The following GAB2 variants were observed in gnomAD, a reference collection of about 807,000 sequenced individuals.
GAB2 encodes GRB2 associated binding protein 2, also known as GRB2-associated-binding protein 2.
Under a neutral mutation model 65.5 loss-of-function variants are expected in GAB2, and 26 were observed. The observed-to-expected ratio is 0.40, with a 90% confidence interval of 0.29 to 0.55. The LOEUF (loss-of-function observed/expected upper bound fraction) is 0.55, where lower values mean the gene tolerates loss of function less well. Among genes scored for constraint, GAB2 ranks in the 20% least tolerant of loss-of-function variants. The probability of loss-of-function intolerance (pLI) is 0.53; values close to 1 mark genes in which losing one functional copy is unlikely to be tolerated. For missense variants in GAB2, 884 were observed against 875.8 expected, an observed-to-expected ratio of 1.01 and a Z score of -0.12; for synonymous variants, 321 against 329.6, an observed-to-expected ratio of 0.97 and a Z score of 0.28.
intron 2 of GAB2, among the ~76,000 whole-genome samples, chr11:78,254,542 G>T (rs1026580377): frequency 2.6e-5 from 4 of 152,206 alleles, no homozygotes; most frequent in African/African-American, 9.7e-5. Context: ...GCTCATGCTT[G>T]TAATCCCAAC....
At chr11:78,351,009 A>C (rs1275571638) in intron 1 of GAB2, among the ~76,000 whole-genome samples, 1 of 152,244 alleles carries the variant, frequency 6.6e-6, no homozygotes, top group African/African-American at 2.4e-5. Context: ...GTCGTGGAAG[A>C]AGCTTTTTAG....
intron 1 of GAB2, among the ~76,000 whole-genome samples, chr11:78,292,253 G>A (rs1298914075): frequency 6.6e-6 from 1 of 152,130 alleles, no homozygotes; most frequent in African/African-American, 2.4e-5. Flanking sequence ...CAGAAAGCGG[G>A]AAGTTAAAAG....
chr11:78,395,782 A>C (rs947187255), intron 1 of GAB2, among the ~76,000 whole-genome samples: 2 of 152,234 alleles, frequency 1.3e-5, no homozygotes, highest in Non-Finnish European at 2.9e-5. Context: ...AGGAGATTAA[A>C]GCTCAGAAAG....
At chr11:78,388,262 C>T (rs1591081423) in intron 1 of GAB2, 1 of 152,248 alleles carries the variant, frequency 6.6e-6, no homozygotes. Context: ...GTCCAGACTT[C>T]AAGAGATCCA....
intron 1 of GAB2, among the ~76,000 whole-genome samples, chr11:78,333,605 G>A (rs1231100224): frequency 6.6e-6 from 1 of 152,182 alleles, no homozygotes; most frequent in Non-Finnish European, 1.5e-5. Flanking sequence ...AGCCAGATGT[G>A]AAGACAGACT....
chr11:78,313,901 A>C (rs991371055), intron 1 of GAB2, among the ~76,000 whole-genome samples: 2 of 152,224 alleles, frequency 1.3e-5, no homozygotes, highest in Non-Finnish European at 2.9e-5. Flanking sequence ...CTACCAACTT[A>C]AATCCACCTA....
intron 2 of GAB2, chr11:78,280,314 G>A (rs1045553881): frequency 1.4e-5 from 6 of 434,634 alleles, no homozygotes; most frequent in African/African-American, 7.9e-5. Flanking sequence ...AGGGAAGAGA[G>A]AAAACAGGAG....
Position 78,225,163 on chromosome 11 carries a change from C to G in GAB2, c.1247G>C (p.Gly416Ala). Residue 416 changes from glycine to alanine, a missense_variant, in exon 5 of 10, where the codon GGA becomes GCA. Gly to Ala is a moderately conservative substitution (Grantham distance 60). Coordinates refer to ENST00000361507, the MANE Select transcript of GAB2 (RefSeq NM_080491.3). ...TTCAGCAGACCGGCCTGCACTCTCT[C>G]CACCACGCTGTGGGTACTCGTAGGT... ...CETYEYPQRG[G>A]ESAGRSAESM... 1 of 1,613,616 alleles carries G rather than the reference C, an allele frequency of 6.2e-7. No individual in the cohort carries two copies. The highest frequency in any genetic ancestry group is 8.5e-7 in the Non-Finnish European group (1 of 1,179,504).
chr11:78,274,554 C>T (rs892981025), intron 2 of GAB2, among the ~76,000 whole-genome samples: 2 of 152,076 alleles, frequency 1.3e-5, no homozygotes, highest in African/African-American at 4.8e-5. Context: ...GTATTTTATC[C>T]CTATTTTATA....
chr11:78,327,099 T>C (rs1421464630), intron 1 of GAB2, among the ~76,000 whole-genome samples: 4 of 152,214 alleles, frequency 2.6e-5, no homozygotes, highest in Non-Finnish European at 5.9e-5. Flanking sequence ...TATTATTCAA[T>C]ACAATTCTAC....
chr11:78,317,240 A>G (rs528989740), intron 1 of GAB2, among the ~76,000 whole-genome samples: 1 of 152,308 alleles, frequency 6.6e-6, no homozygotes, highest in South Asian at 2.1e-4. Flanking sequence ...ATATGAATGC[A>G]TTTAATGTCA....
intron 1 of GAB2, among the ~76,000 whole-genome samples, chr11:78,373,325 C>T (rs1057387405): frequency 6.6e-6 from 1 of 151,440 alleles, no homozygotes; most frequent in African/African-American, 2.4e-5. Flanking sequence ...CTGCAACCTC[C>T]GCCTCAGGGT....
chr11:78,391,744 G>T (rs1856836267), intron 1 of GAB2, among the ~76,000 whole-genome samples: 1 of 152,166 alleles, frequency 6.6e-6, no homozygotes, highest in Admixed American at 6.5e-5. Context: ...TTCCCAGTTG[G>T]GGCCCCAGAT....
At position 78,230,258 on chromosome 11, in the gene GAB2, G is replaced by A. The variant is rs545698556; in HGVS notation, c.621-3207C>T. On this transcript the variant is annotated intron_variant, in intron 3 of 9. Coordinates refer to ENST00000361507, the MANE Select transcript of GAB2 (RefSeq NM_080491.3). ...TCCTCTGTAGAACCCACTAGCTTACGTTCCAACTTCCCTCTACCCCGGCAT... is the reference window on the plus strand; with the variant it reads ...TCCTCTGTAGAACCCACTAGCTTACATTCCAACTTCCCTCTACCCCGGCAT... Among the ~76,000 whole-genome samples the A allele has an allele frequency of 1.8e-4, 27 of 152,280 alleles. No homozygotes were observed. The South Asian group carries it at 5.2e-3, about 29-fold the overall frequency.
At chr11:78,228,007 G>C (rs570600122) in intron 3 of GAB2, among the ~76,000 whole-genome samples, 21 of 152,208 alleles carry the variant, frequency 1.4e-4, no homozygotes, top group Admixed American at 1.3e-3. Flanking sequence ...TTAAATTTAG[G>C]TTTTGGGCAA....
intron 1 of GAB2, among the ~76,000 whole-genome samples, chr11:78,293,284 G>A (rs1866730250): frequency 1.3e-5 from 2 of 152,178 alleles, no homozygotes; most frequent in South Asian, 4.1e-4. Flanking sequence ...GGCACAGAAT[G>A]AATTTTTTCT....
At chr11:78,291,559 T>TC (rs1565145569) in intron 1 of GAB2, among the ~76,000 whole-genome samples, 2 of 74,666 alleles carry the variant, frequency 2.7e-5, no homozygotes, top group African/African-American at 7.2e-5. Context: ...TTTTTTCTTT[T>TC]TCTTTTTTTT....
intron 1 of GAB2, among the ~76,000 whole-genome samples, chr11:78,312,920 C>A (rs1179281637): frequency 6.6e-6 from 1 of 152,012 alleles, no homozygotes; most frequent in Non-Finnish European, 1.5e-5. Context: ...TCCTCAACTC[C>A]CATCAAGGGT....
chr11:78,405,024 G>A (rs994356720), intron 1 of GAB2, among the ~76,000 whole-genome samples: 4 of 149,980 alleles, frequency 2.7e-5, no homozygotes, highest in African/African-American at 7.4e-5. Context: ...TTATGTATCC[G>A]TAAAAAGTAA....
Sources: gnomAD v4.1 joint callset for allele counts (sites outside exome capture counted in the v4.1 genomes callset) on GRCh38, gnomAD v4.1.1 for gene constraint, MANE v1.5 for transcripts, NCBI Gene and HGNC (gene_info 2026-07-23, HGNC 2026-07-21) for gene names.